Variants in TLL1 observed in about 807,000 individuals in gnomAD.
TLL1 encodes tolloid like 1.
In TLL1, 49 loss-of-function variants were observed where a neutral mutation model predicts 128.2. That is an observed-to-expected ratio of 0.38 (90% CI 0.30 to 0.48). The LOEUF (loss-of-function observed/expected upper bound fraction) is 0.48. Among genes scored for constraint, TLL1 ranks in the 20% least tolerant of loss-of-function variants. The pLI is 0.96. For missense variants in TLL1, 1,123 were observed against 1,242.0 expected, an observed-to-expected ratio of 0.90 and a Z score of 1.44; for synonymous variants, 454 against 418.8, an observed-to-expected ratio of 1.08 and a Z score of -1.03.
In TLL1 at chr4:165,908,898, T is replaced by C. The variant is rs917734172; in HGVS notation, c.169+34825T>C. ...CAACTGGATATGTTGATGAACTGAT[T>C]GTAGGGCTTGAAGAGGAGGAAACAA... On this transcript the variant is annotated intron_variant, in intron 1 of 20. Transcript: ENST00000061240. Among the ~76,000 whole-genome samples the C allele has an allele frequency of 2.2e-4, 34 of 152,172 alleles. 1 individual carries two copies. Among genetic ancestry groups the C allele is most frequent in the Non-Finnish European group, 1.8e-4 (12 of 67,998 alleles).
At chr4:165,888,593 T>G (rs1459590026) in intron 1 of TLL1, among the ~76,000 whole-genome samples, 1 of 152,144 alleles carries the variant, frequency 6.6e-6, no homozygotes, top group African/African-American at 2.4e-5. Context: ...AAGATCACTT[T>G]AAACTAAATT....
intron 5 of TLL1, among the ~76,000 whole-genome samples, chr4:165,995,393 C>G (rs1736830132): frequency 6.6e-6 from 1 of 151,912 alleles, no homozygotes; most frequent in Non-Finnish European, 1.5e-5. Flanking sequence ...TTTCTACCAC[C>G]TCAGTTACTT....
intron 1 of TLL1, among the ~76,000 whole-genome samples, chr4:165,919,374 C>A (rs1237493835): frequency 6.9e-6 from 1 of 144,022 alleles, no homozygotes; most frequent in African/African-American, 2.6e-5. Flanking sequence ...CAGAATGAGA[C>A]CCTGCTTCAA....
At chr4:165,935,312 T>G (rs140319832) in intron 1 of TLL1, among the ~76,000 whole-genome samples, 1 of 152,320 alleles carries the variant, frequency 6.6e-6, no homozygotes, top group South Asian at 2.1e-4. Context: ...TGCTTAATGC[T>G]TAGTTACCTT....
At chr4:166,093,143 G>A (rs981715021) in intron 19 of TLL1, among the ~76,000 whole-genome samples, 1 of 152,206 alleles carries the variant, frequency 6.6e-6, no homozygotes, top group South Asian at 2.1e-4. Context: ...AATAAGACAC[G>A]GAGACAAAGT....
intron 1 of TLL1, among the ~76,000 whole-genome samples, chr4:165,880,055 T>A (rs1308006465): frequency 6.6e-6 from 1 of 152,126 alleles, no homozygotes; most frequent in Non-Finnish European, 1.5e-5. Context: ...ATACTAACAC[T>A]TGGGAAGGAA....
chr4:165,982,760 G>T (rs1454045688), intron 1 of TLL1, among the ~76,000 whole-genome samples: 2 of 145,964 alleles, frequency 1.4e-5, no homozygotes, highest in African/African-American at 5.0e-5. Context: ...AAGCAAATTT[G>T]CATGAACTGT....
At position 165,873,976 on chromosome 4, in the gene TLL1, G is replaced by A. The variant is rs1412427194; in HGVS notation, c.72G>A (p.Glu24=). 1.9e-6 allele frequency: 3 copies of A among 1,614,190 alleles called. No homozygotes were observed. The South Asian group carries it at 3.3e-5, about 18-fold the overall frequency. The change falls in exon 1 of 21, where the codon GAG becomes GAA. Residue 24 remains glutamate, a synonymous_variant. Coordinates refer to ENST00000061240, the MANE Select transcript of TLL1 (RefSeq NM_012464.5). ...CCTCGGGGATTGTTTTCTACGGGGA[G>A]CTATGGGTCTGCGCTGGCCTCGATT... ...LVASGIVFYG[E]LWVCAGLDYD...
chr4:166,035,232 ATAAT>A (rs1159352518), intron 9 of TLL1, among the ~76,000 whole-genome samples: 2 of 152,308 alleles, frequency 1.3e-5, no homozygotes, highest in South Asian at 4.1e-4. Flanking sequence ...TTTTAATAGA[ATAAT>A]TCAGCTCTTG....
In TLL1 at chr4:166,099,501, G is replaced by A. The variant is rs1742189573; in HGVS notation, c.2881G>A (p.Gly961Arg). The change falls in exon 20 of 21, where the codon GGG (glycine) becomes AGG (arginine). Residue 961 changes from glycine (G) to arginine (R), a missense_variant. Physicochemically the swap from Gly to Arg is moderately radical, Grantham distance 125 (BLOSUM62 -2). Coordinates refer to ENST00000061240, the MANE Select transcript of TLL1 (RefSeq NM_012464.5). ...LFDGLDSTAV[G>R]LGRFCGSGPP... ...TGATGGTCTTGATTCAACAGCTGTG[G>A]GGCTTGGTCGATTCTGTGGATCCGG... The A allele has an allele frequency of 1.9e-6, 3 of 1,613,312 alleles. No individual in the cohort carries two copies. Among genetic ancestry groups the A allele is most frequent in the African/African-American group, 1.3e-5 (1 of 74,944 alleles).
rs1006479178 is a variant in TLL1, at chr4:166,103,641, T to G, written c.*2765T>G. The G allele has an allele frequency of 6.6e-6, 1 of 151,874 alleles. No homozygotes were observed. Among genetic ancestry groups the G allele is most frequent in the Non-Finnish European group, 1.5e-5 (1 of 67,864 alleles). 9.4% of individuals were successfully genotyped at this position (151,874 alleles called of 1,614,324 possible). On this transcript the variant is annotated 3_prime_UTR_variant, in exon 21 of 21. Coordinates refer to ENST00000061240, the MANE Select transcript of TLL1 (RefSeq NM_012464.5). ...TCATGTCAAGTATCAGTTTACCACA[T>G]ATTATTTTTATATTAATTCAACATT...
intron 1 of TLL1, among the ~76,000 whole-genome samples, chr4:165,981,588 T>A (rs1319358238): frequency 6.6e-6 from 1 of 152,174 alleles, no homozygotes; most frequent in Non-Finnish European, 1.5e-5. Context: ...CCAAGGACCG[T>A]GATTTGCAGT....
At chr4:165,886,283 T>G (rs957988377) in intron 1 of TLL1, among the ~76,000 whole-genome samples, 2 of 152,120 alleles carry the variant, frequency 1.3e-5, no homozygotes, top group Admixed American at 1.3e-4. Context: ...GTTCACACAT[T>G]TGTAATGTGG....
At chr4:166,005,108 A>G (rs1737357078) in intron 6 of TLL1, among the ~76,000 whole-genome samples, 1 of 152,054 alleles carries the variant, frequency 6.6e-6, no homozygotes, top group African/African-American at 2.4e-5. Context: ...GGAAATCTTC[A>G]AAAGTTTTCT....
chr4:166,024,088 C>T (rs1241110592), intron 8 of TLL1, among the ~76,000 whole-genome samples: 1 of 151,934 alleles, frequency 6.6e-6, no homozygotes, highest in Admixed American at 6.6e-5. Context: ...AGAACAGTGC[C>T]GATTTATGTA....
At chr4:166,073,282 C>A (rs553705550) in intron 16 of TLL1, among the ~76,000 whole-genome samples, 1 of 152,174 alleles carries the variant, frequency 6.6e-6, no homozygotes, top group South Asian at 2.1e-4. Flanking sequence ...TAGGAAGTAT[C>A]GTTTACTGTC....
intron 1 of TLL1, among the ~76,000 whole-genome samples, chr4:165,947,185 A>C (rs1018043140): frequency 6.6e-6 from 1 of 152,092 alleles, no homozygotes; most frequent in Non-Finnish European, 1.5e-5. Flanking sequence ...CTGTGTACAC[A>C]TATGACCTTT....
chr4:165,879,823 C>T (rs797008585), intron 1 of TLL1, among the ~76,000 whole-genome samples: 1 of 151,982 alleles, frequency 6.6e-6, no homozygotes, highest in Non-Finnish European at 1.5e-5. Context: ...GGCCAGGACT[C>T]GGGGGCCTGG....
intron 1 of TLL1, among the ~76,000 whole-genome samples, chr4:165,980,331 A>T (rs1452311492): frequency 6.6e-6 from 1 of 151,696 alleles, no homozygotes; most frequent in East Asian, 1.9e-4. Context: ...CAAGTTTCTG[A>T]CTCTGCAAGG....
Sources: allele counts gnomAD v4.1 joint callset (sites outside exome capture counted in the v4.1 genomes callset), GRCh38; gene constraint gnomAD v4.1.1; transcripts MANE v1.5; gene names NCBI Gene and HGNC (gene_info 2026-07-23, HGNC 2026-07-21).